The following MYO1E variants were observed in gnomAD, a reference collection of about 807,000 sequenced individuals.
The protein encoded by MYO1E is myosin IE, also known as unconventional myosin-Ie.
MYO1E carries 68 observed loss-of-function variants against 151.1 expected under a neutral mutation model. The ratio of observed to expected loss-of-function variants is 0.45; its 90% CI spans 0.37 to 0.55. MYO1E has a LOEUF of 0.55. Among genes scored for constraint, MYO1E ranks in the 20% least tolerant of loss-of-function variants. The probability of loss-of-function intolerance (pLI) is 0.00; values close to 1 mark genes in which losing one functional copy is unlikely to be tolerated. For missense variants in MYO1E, 1,363 were observed against 1,389.3 expected, an observed-to-expected ratio of 0.98 and a Z score of 0.30; for synonymous variants, 601 against 501.7, an observed-to-expected ratio of 1.20 and a Z score of -2.64.
rs1050026220 is a variant in MYO1E, at chr15:59,136,703, G to A, written c.*677C>T. On this transcript the variant is annotated 3_prime_UTR_variant, in exon 28 of 28. Transcript: ENST00000288235. ...ACAGCATTTAAACACAAACCAATAT[G>A]GGCCAGCCACATTCTAATTGAAGAC... The A allele has an allele frequency of 2.0e-5, 9 of 456,296 alleles. No homozygotes were observed. Among genetic ancestry groups the A allele is most frequent in the African/African-American group, 4.0e-5 (2 of 50,026 alleles). 28.3% of individuals were successfully genotyped at this position (456,296 alleles called of 1,614,324 possible).
chr15:59,207,697 G>C (rs113430545), intron 14 of MYO1E: 5 of 1,614,192 alleles, frequency 3.1e-6, no homozygotes, highest in East Asian at 2.2e-5. Context: ...GTGGAGTGGA[G>C]TGAACATAGC....
At chr15:59,202,664 C>A (rs1355683989) in intron 15 of MYO1E, among the ~76,000 whole-genome samples, 1 of 152,196 alleles carries the variant, frequency 6.6e-6, no homozygotes, top group East Asian at 1.9e-4. Flanking sequence ...AAAACAATGC[C>A]TTTCCAACGT....
At chr15:59,281,266 T>C (rs1393412863) in intron 1 of MYO1E, among the ~76,000 whole-genome samples, 2 of 151,696 alleles carry the variant, frequency 1.3e-5, no homozygotes, top group African/African-American at 4.9e-5. Flanking sequence ...TTTTCTTTTC[T>C]TTTTCTTTTC....
In MYO1E at chr15:59,371,051, G is replaced by A. The variant is rs547631555; in HGVS notation, c.3+1447C>T. The stretch of plus-strand genomic sequence containing the variant: ...TTCTTAAACCTTAAAACTAGAAGAG[G>A]AAATGTATAGACAAAGTGTTCTCTT... On this transcript the variant is annotated intron_variant, in intron 1 of 27. Coordinates refer to ENST00000288235, the MANE Select transcript of MYO1E (RefSeq NM_004998.4). 9.8e-5 allele frequency among the ~76,000 whole-genome samples: 15 copies of A among 152,300 alleles called. No homozygotes were observed. In the South Asian group the frequency reaches 2.7e-3, roughly 27 times the overall value.
chr15:59,163,812 A>G (rs2242322), intron 22 of MYO1E, among the ~76,000 whole-genome samples: 44,429 of 152,122 alleles, frequency 0.29, 7,040 homozygotes, highest in East Asian at 0.58. Flanking sequence ...GTACTTATTA[A>G]GAACCTTCTG....
chr15:59,209,119 C>A, intron 13 of MYO1E: 1 of 497,330 alleles, frequency 2.0e-6, no homozygotes. Context: ...TATCTGCTCA[C>A]TCATAGTCAT....
chr15:59,337,983 C>CT (rs1436470498), intron 1 of MYO1E, among the ~76,000 whole-genome samples: 2 of 152,230 alleles, frequency 1.3e-5, no homozygotes, highest in African/African-American at 4.8e-5. Context: ...AATTAAACTC[C>CT]TTTTTTTCCT....
At position 59,325,180 on chromosome 15, in the gene MYO1E, C is replaced by T. The variant is rs368593709; in HGVS notation, c.3+47318G>A. Among the ~76,000 whole-genome samples the T allele has an allele frequency of 6.4e-4, 97 of 152,194 alleles. No homozygotes were observed. The East Asian group carries it at 0.016, about 26-fold the overall frequency. ...CCTTCCGAGGAGCTGTGACTACAGG[C>T]GCCCGTCACCATGCCCAGCTAATTG... On this transcript the variant is annotated intron_variant, in intron 1 of 27. Coordinates refer to ENST00000288235, the MANE Select transcript of MYO1E (RefSeq NM_004998.4).
intron 1 of MYO1E, among the ~76,000 whole-genome samples, chr15:59,287,582 AG>A (rs1437362380): frequency 6.6e-6 from 1 of 152,222 alleles, no homozygotes; most frequent in Non-Finnish European, 1.5e-5. Flanking sequence ...GCAAGCCAAT[AG>A]AGCAGGTCCT....
In MYO1E at chr15:59,256,328, G is replaced by A; in HGVS notation, c.288C>T (p.Tyr96=). 6.2e-7 allele frequency: 1 copy of A among 1,612,986 alleles called. No homozygotes were observed. The highest frequency in any genetic ancestry group is 8.5e-7 in the Non-Finnish European group (1 of 1,179,250). Reference sequence around the variant, plus strand: ...TCTCTCTGTCAATGATCATGTTTCTGTACATATTATCTGCAAGGGCATAGA... The same window carrying A: ...TCTCTCTGTCAATGATCATGTTTCTATACATATTATCTGCAAGGGCATAGA... ...PHIYALADNM[Y]RNMIIDRENQ... The change falls in exon 4 of 28, where the codon TAC becomes TAT. Residue 96 remains tyrosine (Y), a synonymous_variant. Transcript: ENST00000288235.
intron 1 of MYO1E, among the ~76,000 whole-genome samples, chr15:59,286,964 GCCACTAAT>G (rs2080391143): frequency 6.6e-6 from 1 of 152,138 alleles, no homozygotes; most frequent in Non-Finnish European, 1.5e-5. Context: ...CACAAGAGCA[GCCACTAAT>G]CCACATGGCA....
intron 7 of MYO1E, 45 bp downstream of exon 7, chr15:59,227,414 A>T: frequency 6.2e-7 from 1 of 1,610,388 alleles, no homozygotes; most frequent in Non-Finnish European, 8.5e-7. Flanking sequence ...ATTTTAATGT[A>T]GAGAAGGGAC....
chr15:59,285,206 C>T (rs1166599480), intron 1 of MYO1E, among the ~76,000 whole-genome samples: 5 of 152,146 alleles, frequency 3.3e-5, no homozygotes, highest in Non-Finnish European at 7.4e-5. Context: ...AGGCCAGTTT[C>T]ACAGAATTTT....
intron 6 of MYO1E, among the ~76,000 whole-genome samples, chr15:59,228,754 G>A (rs1418033743): frequency 6.6e-6 from 1 of 152,106 alleles, no homozygotes; most frequent in African/African-American, 2.4e-5. Flanking sequence ...CCATCTCAGG[G>A]ATGAATTCAG....
intron 26 of MYO1E, among the ~76,000 whole-genome samples, chr15:59,142,119 A>G (rs1015728571): frequency 4.0e-5 from 6 of 151,096 alleles, no homozygotes; most frequent in Admixed American, 4.0e-4. Context: ...AAAAAAAAAA[A>G]TTTTTTTTTT....
At chr15:59,363,212 C>T (rs536513339) in intron 1 of MYO1E, among the ~76,000 whole-genome samples, 2 of 152,226 alleles carry the variant, frequency 1.3e-5, no homozygotes, top group South Asian at 2.1e-4. Flanking sequence ...CTCCTGACCT[C>T]GTGATCCACC....
chr15:59,366,259 G>A (rs1469564051), intron 1 of MYO1E, among the ~76,000 whole-genome samples: 8 of 151,830 alleles, frequency 5.3e-5, no homozygotes, highest in Admixed American at 1.3e-4. Context: ...GATTACAGGC[G>A]TGAACCACAG....
chr15:59,339,902 C>T (rs796079411), intron 1 of MYO1E, among the ~76,000 whole-genome samples: 23 of 149,378 alleles, frequency 1.5e-4, no homozygotes, highest in African/African-American at 5.4e-4. Context: ...GCCTGGAATG[C>T]GGTGGCACAA....
chr15:59,204,154 C>A (rs550383663), intron 15 of MYO1E, among the ~76,000 whole-genome samples: 62 of 152,232 alleles, frequency 4.1e-4, no homozygotes, highest in African/African-American at 1.5e-3. Flanking sequence ...TTGTGGCTTA[C>A]CTAAACATCT....
Sources: gnomAD v4.1 joint callset for allele counts (sites outside exome capture counted in the v4.1 genomes callset) on GRCh38, gnomAD v4.1.1 for gene constraint, MANE v1.5 for transcripts, NCBI Gene and HGNC (gene_info 2026-07-23, HGNC 2026-07-21) for gene names.